PLXDC2: variants seen among roughly 807,000 people sequenced by gnomAD.
PLXDC2 encodes plexin domain containing 2.
In PLXDC2, 40 loss-of-function variants were observed where a neutral mutation model predicts 68.9. The observed-to-expected ratio is 0.58, with a 90% CI of 0.45 to 0.76. The LOEUF (loss-of-function observed/expected upper bound fraction) is 0.76, where lower values mean the gene tolerates loss of function less well. Ranked by LOEUF, PLXDC2 falls within the 30% of genes least tolerant of loss-of-function variation. The probability of loss-of-function intolerance (pLI) is 0.00; values close to 1 mark genes in which losing one functional copy is unlikely to be tolerated. For missense variants in PLXDC2, 644 were observed against 661.9 expected, an observed-to-expected ratio of 0.97 and a Z score of 0.30; for synonymous variants, 243 against 234.2, an observed-to-expected ratio of 1.04 and a Z score of -0.34.
chr10:20,125,161 C>G (rs1284687354), intron 4 of PLXDC2, among the ~76,000 whole-genome samples: 1 of 152,094 alleles, frequency 6.6e-6, no homozygotes, highest in Non-Finnish European at 1.5e-5. Context: ...CCTACCCACA[C>G]ACCTGTTTCC....
chr10:20,137,456 C>T (rs1833948601), intron 4 of PLXDC2, among the ~76,000 whole-genome samples: 2 of 152,278 alleles, frequency 1.3e-5, no homozygotes, highest in South Asian at 2.1e-4. Flanking sequence ...ATTTACATCT[C>T]ATTTTATGAA....
chr10:19,965,066 G>T (rs4143249), intron 1 of PLXDC2, among the ~76,000 whole-genome samples: 1 of 151,972 alleles, frequency 6.6e-6, no homozygotes, highest in Non-Finnish European at 1.5e-5. Context: ...TTGGAAATTC[G>T]TTTGGCCACT....
chr10:20,046,906 A>T lies in PLXDC2; in HGVS notation c.362A>T (p.Tyr121Phe), dbSNP rs373244420. 1 of 1,612,464 alleles carries T rather than the reference A, an allele frequency of 6.2e-7. No individual in the cohort carries two copies. The highest frequency in any genetic ancestry group is 8.5e-7 in the Non-Finnish European group (1 of 1,179,030). The change falls in exon 3 of 14, where the codon TAT becomes TTT. Residue 121 changes from tyrosine (Y) to phenylalanine (F), a missense_variant. Tyr to Phe is a conservative substitution (Grantham distance 22). Transcript: ENST00000377252. ...TDHNYYISRI[Y>F]GPSDSASRDL... ...CACAATTACTATATATCTCGAATAT[A>T]TGGTCCATCTGATTCTGCCAGCCGG... is the stretch of plus-strand genomic sequence containing the variant.
intron 1 of PLXDC2, among the ~76,000 whole-genome samples, chr10:19,888,818 AT>A (rs1255435940): frequency 6.6e-6 from 1 of 152,172 alleles, no homozygotes; most frequent in Non-Finnish European, 1.5e-5. Flanking sequence ...AAAAAATGTC[AT>A]TAAAAAGGGA....
At chr10:20,045,234 C>T (rs190372251) in intron 2 of PLXDC2, among the ~76,000 whole-genome samples, 43 of 152,154 alleles carry the variant, frequency 2.8e-4, no homozygotes, top group Admixed American at 1.4e-3. Context: ...TGCAGTGGTA[C>T]GATCTTGGCT....
At chr10:19,890,335 T>C (rs537035857) in intron 1 of PLXDC2, among the ~76,000 whole-genome samples, 92 of 152,168 alleles carry the variant, frequency 6.0e-4, no homozygotes, top group African/African-American at 2.2e-3. Context: ...CGGGTATGAA[T>C]CATCCCATCA....
chr10:20,211,675 C>T lies in PLXDC2; in HGVS notation c.1068C>T (p.Ser356=), dbSNP rs1257834254. The T allele has an allele frequency of 1.9e-6, 3 of 1,612,938 alleles. No homozygotes were observed. The highest frequency in any genetic ancestry group is 2.5e-6 in the Non-Finnish European group (3 of 1,179,338). ...ATTGTGGTCTTCTTTGAAGATGTTC[C>T]AGTGGATTTGATCGTCATCGGCAGG... ...CSWCSKLQRC[S]SGFDRHRQDW... Residue 356 remains serine (S), a synonymous_variant, in exon 10 of 14, where the codon TCC becomes TCT. Coordinates refer to ENST00000377252, the MANE Select transcript of PLXDC2 (RefSeq NM_032812.9).
At chr10:19,951,020 G>A (rs932147222) in intron 1 of PLXDC2, among the ~76,000 whole-genome samples, 3 of 152,152 alleles carry the variant, frequency 2.0e-5, no homozygotes, top group African/African-American at 7.2e-5. Flanking sequence ...AGATTTAAAT[G>A]TGAGTCCTCA....
intron 13 of PLXDC2, among the ~76,000 whole-genome samples, chr10:20,260,432 A>G (rs1835795424): frequency 2.0e-5 from 3 of 152,286 alleles, no homozygotes; most frequent in African/African-American, 7.2e-5. Flanking sequence ...TCCACATGTG[A>G]TAGACATCAT....
intron 1 of PLXDC2, among the ~76,000 whole-genome samples, chr10:19,956,004 A>G (rs943260685): frequency 6.6e-6 from 1 of 152,140 alleles, no homozygotes; most frequent in Admixed American, 6.5e-5. Context: ...GCTTGAATCC[A>G]AGAGGCTGAG....
chr10:19,892,689 C>T (rs1370451468), intron 1 of PLXDC2, among the ~76,000 whole-genome samples: 1 of 152,102 alleles, frequency 6.6e-6, no homozygotes, highest in Non-Finnish European at 1.5e-5. Context: ...TAAAGGTAGA[C>T]TTCTTATAGT....
intron 1 of PLXDC2, among the ~76,000 whole-genome samples, chr10:19,874,367 G>A (rs941066159): frequency 2.0e-5 from 3 of 152,124 alleles, no homozygotes; most frequent in African/African-American, 4.8e-5. Context: ...AGTACTGAGG[G>A]GAGCAACTCA....
intron 4 of PLXDC2, among the ~76,000 whole-genome samples, chr10:20,090,604 G>A (rs530958730): frequency 8.4e-4 from 128 of 152,212 alleles, no homozygotes; most frequent in African/African-American, 2.9e-3. Flanking sequence ...AATGCCTCCA[G>A]TAGAGTGATT....
intron 2 of PLXDC2, among the ~76,000 whole-genome samples, chr10:20,029,307 A>G (rs907246617): frequency 6.6e-6 from 1 of 152,192 alleles, no homozygotes; most frequent in African/African-American, 2.4e-5. Context: ...AGCAAAGACT[A>G]GATCATAAAT....
At chr10:19,956,677 G>A (rs1380762581) in intron 1 of PLXDC2, among the ~76,000 whole-genome samples, 2 of 152,184 alleles carry the variant, frequency 1.3e-5, no homozygotes, top group Non-Finnish European at 2.9e-5. Context: ...AAAGATCAAT[G>A]AAGGCACAGA....
intron 12 of PLXDC2, among the ~76,000 whole-genome samples, chr10:20,242,318 G>C (rs550146616): frequency 3.3e-5 from 5 of 152,038 alleles, no homozygotes; most frequent in Non-Finnish European, 7.4e-5. Flanking sequence ...GTCTCAACCT[G>C]CCTCATATAA....
At chr10:20,164,289 A>T (rs915492852) in intron 6 of PLXDC2, among the ~76,000 whole-genome samples, 179 bp from the exon 7 acceptor site, 1 of 152,148 alleles carries the variant, frequency 6.6e-6, no homozygotes, top group Non-Finnish European at 1.5e-5. Flanking sequence ...ATTCAATAGC[A>T]CTAAACTGAT....
At chr10:19,939,286 G>A (rs1833777536) in intron 1 of PLXDC2, among the ~76,000 whole-genome samples, 1 of 152,134 alleles carries the variant, frequency 6.6e-6, no homozygotes, top group Non-Finnish European at 1.5e-5. Context: ...ACAATGTAAA[G>A]CAACATTAGC....
chr10:20,173,173 A>C (rs2131822739), intron 7 of PLXDC2, among the ~76,000 whole-genome samples: 1 of 152,344 alleles, frequency 6.6e-6, no homozygotes. Context: ...AAGAGTACTC[A>C]GTAAACGGTG....
Sources: allele counts gnomAD v4.1 joint callset (sites outside exome capture counted in the v4.1 genomes callset), GRCh38; gene constraint gnomAD v4.1.1; transcripts MANE v1.5; gene names NCBI Gene and HGNC (gene_info 2026-07-23, HGNC 2026-07-21).